PLXNB2: variants seen among roughly 807,000 people sequenced by gnomAD.
PLXNB2 encodes plexin-B2.
A neutral mutation model predicts 202.6 loss-of-function variants in PLXNB2; 85 were observed. The ratio of observed to expected loss-of-function variants is 0.42; its 90% confidence interval spans 0.35 to 0.50. The LOEUF is 0.50. Ranked by LOEUF, PLXNB2 falls within the 20% of genes least tolerant of loss-of-function variation. The pLI is 0.02. For missense variants in PLXNB2, 2,063 were observed against 2,586.2 expected, an observed-to-expected ratio of 0.80 and a Z score of 4.39; for synonymous variants, 1,239 against 1,137.6, an observed-to-expected ratio of 1.09 and a Z score of -1.79.
rs553720436 is a variant in PLXNB2, at chr22:50,284,335, G to T, written c.2182-122C>A. 33 of 958,136 alleles carry T rather than the reference G, an allele frequency of 3.4e-5. No homozygotes were observed. In the Admixed American group the frequency reaches 4.7e-4, roughly 14 times the overall value. The allele number at this position is 958,136 out of a possible 1,614,324, so 59.4% of individuals were successfully genotyped here. A position where few individuals can be genotyped will look rare whatever the true frequency, so the allele number is the denominator to read the frequency against. ...TTCCCAGCCAAGGGCAGCAGGGGAGGCCTTCAGGTGTCGGAAGTTCGGGAA... is the reference window on the plus strand; with the variant it reads ...TTCCCAGCCAAGGGCAGCAGGGGAGTCCTTCAGGTGTCGGAAGTTCGGGAA... On this transcript the variant is annotated intron_variant, in intron 12 of 36. Coordinates refer to ENST00000359337, the MANE Select transcript of PLXNB2 (RefSeq NM_012401.4). The surrounding 1 kb of genome is among the most constrained non-coding windows in gnomAD (Gnocchi z 8.0).
chr22:50,279,790 G>T lies in PLXNB2; in HGVS notation c.4243-14C>A. 1 of 1,613,636 alleles carries T rather than the reference G, an allele frequency of 6.2e-7. No individual in the cohort carries two copies. Among genetic ancestry groups the T allele is most frequent in the Non-Finnish European group, 8.5e-7 (1 of 1,179,878 alleles). On this transcript the variant is annotated splice_polypyrimidine_tract_variant and intron_variant, in intron 26 of 36. Coordinates refer to ENST00000359337, the MANE Select transcript of PLXNB2 (RefSeq NM_012401.4). ...CCCGGCACTGTCCTGGAGTAACACG[G>T]AGGGGAGGCTGGGAGGTCAGGGGAC...
rs769796788 is a variant in PLXNB2, at chr22:50,276,750, A to G, written c.5262-46T>C. The G allele has an allele frequency of 2.5e-6, 4 of 1,592,144 alleles. No individual in the cohort carries two copies. In the Admixed American group the frequency reaches 5.0e-5, roughly 20 times the overall value. On this transcript the variant is annotated intron_variant, in intron 34 of 36. Transcript: ENST00000359337. ...TACAGTGTGGGCGGCAGGGACCACA[A>G]AGGGGGTGGTGGGGGAAACCAAGGC...
In PLXNB2 at chr22:50,279,723, C is replaced by T; in HGVS notation, c.4296G>A (p.Val1432=). ...YKLFKAIKHQ[V]EKGPVDAVQK... is the part of the protein sequence containing the mutation. ...GTACCGCATCCACCGGGCCCTTTTC[C>T]ACCTGATGTTTGATGGCCTTGAAGA... The change falls in exon 27 of 37, where the codon GTG becomes GTA. Residue 1432 remains valine (V), a synonymous_variant. Coordinates refer to ENST00000359337, the MANE Select transcript of PLXNB2 (RefSeq NM_012401.4). 1 of 1,614,054 alleles carries T rather than the reference C, an allele frequency of 6.2e-7. No homozygotes were observed. Among genetic ancestry groups the T allele is most frequent in the Non-Finnish European group, 8.5e-7 (1 of 1,179,982 alleles).
In PLXNB2 at chr22:50,278,877, G is replaced by T. The variant is rs931367607; in HGVS notation, c.4524C>A (p.Pro1508=). 6.2e-7 allele frequency: 1 copy of T among 1,612,358 alleles called. No individual in the cohort carries two copies. Among genetic ancestry groups the T allele is most frequent in the African/African-American group, 1.3e-5 (1 of 74,936 alleles). The part of the protein sequence containing the change: ...VYRGQPCSCW[P]RPDSVVLEWR... ...CACCCAGGACCACGCTGTCTGGCCT[G>T]GGCCAGCAGGAGCAGGGCTGCCCAC... The change falls in exon 28 of 37, where the codon CCC becomes CCA. Residue 1508 remains proline (P), a synonymous_variant. Transcript: ENST00000359337.
Position 50,275,927 on chromosome 22 carries a change from G to A in PLXNB2, c.5374C>T (p.His1792Tyr). 6.2e-7 allele frequency: 1 copy of A among 1,612,688 alleles called. No individual in the cohort carries two copies. The highest frequency in any genetic ancestry group is 1.3e-5 in the African/African-American group (1 of 75,028). The part of the protein sequence containing the change: ...TDSLNTLVAL[H>Y]QLYQYTQKYY... Reference sequence around the variant, plus strand: ...TTCTGCGTGTATTGGTAGAGCTGGTGGAGTGCCACGAGGGTGTTCAAGGAG... The same window carrying A: ...TTCTGCGTGTATTGGTAGAGCTGGTAGAGTGCCACGAGGGTGTTCAAGGAG... The change falls in exon 36 of 37, where the codon CAC becomes TAC. Residue 1792 changes from histidine (H) to tyrosine (Y), a missense_variant. This residue lies in a region of PLXNB2 where 760 missense variants were observed against 1,109.4 expected (regional missense o/e 0.69). Coordinates refer to ENST00000359337, the MANE Select transcript of PLXNB2 (RefSeq NM_012401.4).
At chr22:50,303,726 G>C (rs967002884) in intron 1 of PLXNB2, among the ~76,000 whole-genome samples, 2 of 152,248 alleles carry the variant, frequency 1.3e-5, no homozygotes, top group African/African-American at 4.8e-5. Flanking sequence ...CTGACCAGCT[G>C]TGCCAGAGGG....
At chr22:50,282,410 G>T in intron 18 of PLXNB2, 97 bp from the exon 19 acceptor site, 1 of 1,340,928 alleles carries the variant, frequency 7.5e-7, no homozygotes. Context: ...GACCACACGG[G>T]GCTTCCAGGT....
chr22:50,278,274 G>T lies in PLXNB2; in HGVS notation c.4733-3C>A. 1.2e-6 allele frequency: 2 copies of T among 1,610,638 alleles called. No individual in the cohort carries two copies. Among genetic ancestry groups the T allele is most frequent in the Non-Finnish European group, 8.5e-7 (1 of 1,179,764 alleles). On this transcript the variant is annotated splice_polypyrimidine_tract_variant and splice_region_variant and intron_variant, in intron 30 of 36. Coordinates refer to ENST00000359337, the MANE Select transcript of PLXNB2 (RefSeq NM_012401.4). Reference sequence around the variant, plus strand: ...CTCCTCCTCCAGGAGGGCATGGCCTGTGGGGAGCGGGCACTGAGGGACCCC... The same window carrying T: ...CTCCTCCTCCAGGAGGGCATGGCCTTTGGGGAGCGGGCACTGAGGGACCCC...
intron 16 of PLXNB2, 21 bp from the exon 17 acceptor site, chr22:50,283,207 C>T: frequency 6.2e-7 from 1 of 1,600,306 alleles, no homozygotes; most frequent in East Asian, 2.3e-5. Flanking sequence ...CGCAGGGGCA[C>T]TCGGGTGAGG....
intron 18 of PLXNB2, 187 bp from the exon 19 acceptor site, chr22:50,282,500 G>A (rs1411395189): frequency 4.3e-6 from 3 of 694,642 alleles, no homozygotes; most frequent in South Asian, 1.9e-5. Context: ...GTGGGCGGGG[G>A]GCACACGGGG....
rs751244096 is a variant in PLXNB2 at position 50,281,241 on chromosome 22, G to C, written c.3663-52C>G. The C allele has an allele frequency of 1.4e-4, 223 of 1,574,972 alleles. No homozygotes were observed. In the African/African-American group the frequency reaches 2.8e-3, roughly 20 times the overall value. On this transcript the variant is annotated intron_variant, in intron 22 of 36. Transcript: ENST00000359337. ...TTCTGCCGGGGCTGGCCGCTCAGCTGCCCGGATGAGGAGGTGGATCTACAC... is the reference window on the plus strand; with the variant it reads ...TTCTGCCGGGGCTGGCCGCTCAGCTCCCCGGATGAGGAGGTGGATCTACAC...
intron 1 of PLXNB2, among the ~76,000 whole-genome samples, chr22:50,304,462 G>A (rs919767393): frequency 2.0e-5 from 3 of 152,172 alleles, no homozygotes; most frequent in African/African-American, 7.2e-5. Context: ...GGCTGGGGGA[G>A]CCCAGAACAG....
Position 50,284,680 on chromosome 22 carries a change from G to A in PLXNB2, c.2089-15C>T, listed in dbSNP as rs757672636. ...AGGGAGGAACCCTGCAGACCATGCC[G>A]TCAGGACCCTGGACAGGCGGCTGTG... On this transcript the variant is annotated splice_polypyrimidine_tract_variant and intron_variant, in intron 11 of 36. Coordinates refer to ENST00000359337, the MANE Select transcript of PLXNB2 (RefSeq NM_012401.4). The surrounding 1 kb of genome is among the most constrained non-coding windows in gnomAD (Gnocchi z 8.0). 7.4e-5 allele frequency: 118 copies of A among 1,603,144 alleles called. 1 individual carries two copies. The highest frequency in any genetic ancestry group is 1.3e-4 in the Admixed American group (8 of 59,920).
chr22:50,287,042 G>A (rs753577202), intron 8 of PLXNB2, 69 bp downstream of exon 8: 176 of 1,392,714 alleles, frequency 1.3e-4, no homozygotes, highest in East Asian at 3.4e-4. Context: ...CAGCAGAGGC[G>A]AGAGCCCGTG....
chr22:50,283,245 G>A (rs1012301562), intron 16 of PLXNB2, 59 bp from the exon 17 acceptor site: 14 of 1,604,226 alleles, frequency 8.7e-6, no homozygotes, highest in Non-Finnish European at 1.1e-5. Flanking sequence ...CTCGGTCCTG[G>A]GCTGGATGGT....
Position 50,288,696 on chromosome 22 carries a change from C to G in PLXNB2, c.1380+47G>C, listed in dbSNP as rs376014611. On this transcript the variant is annotated intron_variant, in intron 5 of 36. Transcript: ENST00000359337. The surrounding 1 kb of genome is among the most constrained non-coding windows in gnomAD (Gnocchi z 5.0). ...TCCTAAGGGCCTGGGATGCAATGAC[C>G]GGGCACACTTGGCCTAGAGTGCTCT... 3.1e-6 allele frequency: 5 copies of G among 1,605,674 alleles called. No individual in the cohort carries two copies. The highest frequency in any genetic ancestry group is 3.8e-4 in the Middle Eastern group (2 of 5,224).
chr22:50,287,855 T>C (rs1194443777), intron 6 of PLXNB2, 62 bp from the exon 7 acceptor site: 1 of 1,595,452 alleles, frequency 6.3e-7, no homozygotes, highest in Non-Finnish European at 8.5e-7. Context: ...GACAGGACAG[T>C]GCGATGTGCC....
intron 1 of PLXNB2, among the ~76,000 whole-genome samples, chr22:50,300,602 C>T (rs991499138): frequency 4.6e-5 from 7 of 152,230 alleles, no homozygotes; most frequent in Non-Finnish European, 8.8e-5. Flanking sequence ...GCCTGAGCCT[C>T]GCTTCAGCGT....
In PLXNB2 at chr22:50,277,443, C is replaced by T. The variant is rs531142202; in HGVS notation, c.5196+148G>A. 6.3e-6 allele frequency: 5 copies of T among 794,250 alleles called. No individual in the cohort carries two copies. The Admixed American group carries it at 1.8e-4, about 28-fold the overall frequency. The allele number at this position is 794,250 out of a possible 1,614,324, so 49.2% of individuals were successfully genotyped here. On this transcript the variant is annotated intron_variant, in intron 33 of 36. Coordinates refer to ENST00000359337, the MANE Select transcript of PLXNB2 (RefSeq NM_012401.4). ...CAGGCTCTGCCGGGCCCCTGTGCCC[C>T]CAGCCTCCGCCACCCGTCACCTCCT... is the stretch of plus-strand genomic sequence containing the variant.
Sources: allele counts gnomAD v4.1 joint callset (sites outside exome capture counted in the v4.1 genomes callset), GRCh38; gene constraint gnomAD v4.1.1; regional missense constraint gnomAD v4.1.1; non-coding constraint Gnocchi (gnomAD v3.1); transcripts MANE v1.5; gene names NCBI Gene and HGNC (gene_info 2026-07-23, HGNC 2026-07-21).